IPO5: variants seen among roughly 807,000 people sequenced by gnomAD.
IPO5 encodes importin 5.
In IPO5, 18 loss-of-function variants were observed where a neutral mutation model predicts 143.3. The ratio of observed to expected loss-of-function variants is 0.13; its 90% CI spans 0.09 to 0.19. IPO5 has a LOEUF of 0.19. Among genes scored for constraint, IPO5 ranks in the 10% least tolerant of loss-of-function variants. IPO5 has a pLI of 1.00. For missense variants in IPO5, 1,013 were observed against 1,336.9 expected, an observed-to-expected ratio of 0.76 and a Z score of 3.78; for synonymous variants, 477 against 465.7, an observed-to-expected ratio of 1.02 and a Z score of -0.31.
chr13:98,002,939 A>G lies in IPO5; in HGVS notation c.1399A>G (p.Ile467Val), dbSNP rs61750355. 11 of 1,613,898 alleles carry G rather than the reference A, an allele frequency of 6.8e-6. No individual in the cohort carries two copies. Among genetic ancestry groups the G allele is most frequent in the Non-Finnish European group, 9.3e-6 (11 of 1,179,832 alleles). Residue 467 changes from isoleucine to valine, a missense_variant, in exon 16 of 29, where the codon ATT becomes GTT. Physicochemically the swap from Ile to Val is conservative, Grantham distance 29. Around this residue, in one of 2 missense-constraint regions of IPO5, gnomAD observed 685 missense variants for 994.9 expected, o/e 0.69. Coordinates refer to ENST00000651721, the MANE Select transcript of IPO5 (RefSeq NM_002271.6). ...RVQAHAAAAL[I>V]NFTEDCPKSL... ...GCAGGCCCATGCAGCTGCTGCCCTC[A>G]TTAACTTTACTGAAGACTGTCCCAA...
intron 9 of IPO5, among the ~76,000 whole-genome samples, chr13:97,991,736 A>AG (rs926511563): frequency 1.3e-5 from 2 of 152,078 alleles, no homozygotes; most frequent in African/African-American, 4.8e-5. Context: ...GTTACATTGG[A>AG]GGGGGGGATA....
chr13:97,989,287 G>T, intron 7 of IPO5, 123 bp downstream of exon 7: 1 of 528,712 alleles, frequency 1.9e-6, no homozygotes, highest in South Asian at 3.5e-5. Context: ...CTTTACATAA[G>T]TTTTGTTTGT....
At chr13:97,978,462 T>C (rs1456569659) in intron 4 of IPO5, among the ~76,000 whole-genome samples, 3 of 152,144 alleles carry the variant, frequency 2.0e-5, no homozygotes, top group Non-Finnish European at 4.4e-5. Context: ...TGTATACCTA[T>C]CTTTGCATAC....
At chr13:98,012,431 C>A in intron 21 of IPO5, 89 bp downstream of exon 21, 1 of 807,968 alleles carries the variant, frequency 1.2e-6, no homozygotes, top group Non-Finnish European at 2.2e-6. Context: ...CTGAAGTAGA[C>A]TTCACCATGA....
chr13:98,015,946 A>G (rs1269542866), intron 24 of IPO5, among the ~76,000 whole-genome samples, 165 bp downstream of exon 24: 1 of 152,232 alleles, frequency 6.6e-6, no homozygotes, highest in Non-Finnish European at 1.5e-5. Flanking sequence ...AAGTAATTTG[A>G]AATTAAACTG....
chr13:98,012,809 T>TGTTTTTTTTTTTTG (rs1889821165), intron 21 of IPO5, among the ~76,000 whole-genome samples: 1 of 146,580 alleles, frequency 6.8e-6, no homozygotes, highest in East Asian at 2.4e-4. Context: ...TGATTTTTTT[T>TGTTTTTTTTTTTTG]TTTTTTTTTT....
At chr13:97,964,806 A>G (rs1459081227) in intron 2 of IPO5, among the ~76,000 whole-genome samples, 1 of 152,106 alleles carries the variant, frequency 6.6e-6, no homozygotes, top group Non-Finnish European at 1.5e-5. Context: ...ATCTAGAACC[A>G]CAAATACCAT....
At chr13:97,955,956 C>A (rs564697522) in intron 2 of IPO5, among the ~76,000 whole-genome samples, 30 of 152,146 alleles carry the variant, frequency 2.0e-4, no homozygotes, top group Middle Eastern at 3.4e-3. Flanking sequence ...CACGGTGAAA[C>A]CCCGTCTCTA....
intron 2 of IPO5, among the ~76,000 whole-genome samples, chr13:97,968,534 G>C (rs530384672): frequency 6.6e-6 from 1 of 152,250 alleles, no homozygotes; most frequent in South Asian, 2.1e-4. Flanking sequence ...GTCAGGTTTT[G>C]CTTTATGTAT....
At chr13:97,974,396 T>C (rs1374913574) in intron 3 of IPO5, among the ~76,000 whole-genome samples, 7 of 149,710 alleles carry the variant, frequency 4.7e-5, no homozygotes, top group Non-Finnish European at 8.9e-5. Flanking sequence ...AACCTCCACC[T>C]CCCAGGTTCA....
intron 4 of IPO5, among the ~76,000 whole-genome samples, chr13:97,977,635 T>C (rs541647013): frequency 3.9e-5 from 6 of 152,284 alleles, no homozygotes; most frequent in African/African-American, 1.2e-4. Flanking sequence ...GCCTCCAAAA[T>C]GTGGAGAGAC....
In IPO5 at chr13:97,976,738, C is replaced by T. The variant is rs752216079; in HGVS notation, c.42C>T (p.Leu14=). Residue 14 remains leucine, a synonymous_variant, in exon 4 of 29, where the codon CTC becomes CTT. Coordinates refer to ENST00000651721, the MANE Select transcript of IPO5 (RefSeq NM_002271.6). ...AAAEQQQFYL[L]LGNLLSPDNV... ...CGGAGCAGCAACAGTTCTACCTGCT[C>T]CTGGGAAACCTGCTCAGCCCCGACA... The T allele has an allele frequency of 5.7e-6, 8 of 1,414,976 alleles. No individual in the cohort carries two copies. Among genetic ancestry groups the T allele is most frequent in the South Asian group, 1.2e-5 (1 of 83,830 alleles). The allele number at this position is 1,414,976 out of a possible 1,614,324, so 87.7% of individuals were successfully genotyped here. A position where few individuals can be genotyped will look rare whatever the true frequency, so the allele number is the denominator to read the frequency against.
intron 11 of IPO5, among the ~76,000 whole-genome samples, chr13:97,996,197 G>A (rs1261019860): frequency 1.3e-5 from 2 of 151,978 alleles, no homozygotes; most frequent in Non-Finnish European, 2.9e-5. Flanking sequence ...CTACAGGCAC[G>A]CACTACCACA....
At chr13:98,021,174 C>CT in intron 28 of IPO5, 41 bp downstream of exon 28, 2 of 1,551,312 alleles carry the variant, frequency 1.3e-6, no homozygotes, top group Non-Finnish European at 1.7e-6. Flanking sequence ...GAGATAAAAC[C>CT]TTTTTTTCTT....
rs1268185181 is a variant in IPO5, at chr13:97,998,254, C to T, written c.1001+636C>T. 5.9e-5 allele frequency among the ~76,000 whole-genome samples: 9 copies of T among 152,190 alleles called. 1 individual carries two copies. The highest frequency in any genetic ancestry group is 5.2e-4 in the Admixed American group (8 of 15,276). On this transcript the variant is annotated intron_variant, in intron 12 of 28. Transcript: ENST00000651721. ...CCTCCCAAAGTGCTGGGATTACAGG[C>T]GTGAGCCACCGCACCTGGCCAAGTA...
chr13:98,000,397 T>C (rs1566530750), intron 12 of IPO5, 142 bp from the exon 13 acceptor site: 2 of 574,606 alleles, frequency 3.5e-6, no homozygotes, highest in East Asian at 5.7e-5. Flanking sequence ...TAACCCCTAA[T>C]TTCAATTCCA....
intron 2 of IPO5, among the ~76,000 whole-genome samples, chr13:97,966,931 G>A (rs1328624016): frequency 6.6e-6 from 1 of 152,146 alleles, no homozygotes; most frequent in African/African-American, 2.4e-5. Flanking sequence ...AGCTACTTGG[G>A]AGGCTGAGGC....
chr13:98,012,465 A>G lies in IPO5; in HGVS notation c.2152+123A>G, dbSNP rs1889788254. 21 of 651,944 alleles carry G rather than the reference A, an allele frequency of 3.2e-5. 1 individual carries two copies. In the South Asian group the frequency reaches 3.9e-4, roughly 12 times the overall value. The allele number at this position is 651,944 out of a possible 1,614,324, so 40.4% of individuals were successfully genotyped here. A position where few individuals can be genotyped will look rare whatever the true frequency, so the allele number is the denominator to read the frequency against. ...GATTGTTTGTATTTGCACTAAGTGTACTCTTAGGTGATAAACTCGGTTCTC... is the reference window on the plus strand; with the variant it reads ...GATTGTTTGTATTTGCACTAAGTGTGCTCTTAGGTGATAAACTCGGTTCTC... On this transcript the variant is annotated intron_variant, in intron 21 of 28. Coordinates refer to ENST00000651721, the MANE Select transcript of IPO5 (RefSeq NM_002271.6).
chr13:98,021,836 C>T lies in IPO5; in HGVS notation c.*14C>T. On this transcript the variant is annotated 3_prime_UTR_variant, in exon 29 of 29. Coordinates refer to ENST00000651721, the MANE Select transcript of IPO5 (RefSeq NM_002271.6). ...AACTCTGCGTGAAGGGCCTTAATGTCACCCACCAGAAAACTAACTCCAAAT... is the reference window on the plus strand; with the variant it reads ...AACTCTGCGTGAAGGGCCTTAATGTTACCCACCAGAAAACTAACTCCAAAT... 6.3e-7 allele frequency: 1 copy of T among 1,576,610 alleles called. No individual in the cohort carries two copies. The highest frequency in any genetic ancestry group is 8.7e-7 in the Non-Finnish European group (1 of 1,150,472).
Sources: gnomAD v4.1 joint callset for allele counts (sites outside exome capture counted in the v4.1 genomes callset) on GRCh38, gnomAD v4.1.1 for gene constraint, gnomAD v4.1.1 regional missense constraint, MANE v1.5 for transcripts, NCBI Gene and HGNC (gene_info 2026-07-23, HGNC 2026-07-21) for gene names.